Variants in RB1CC1 observed in about 807,000 individuals in gnomAD.
RB1CC1 encodes the protein RB1-inducible coiled-coil protein 1.
In RB1CC1, 46 loss-of-function variants were observed where a neutral mutation model predicts 177.5. That is an observed-to-expected ratio of 0.26 (90% CI 0.20 to 0.33). The LOEUF is 0.33. RB1CC1 is among the 10% of genes least tolerant of loss of function. The pLI is 1.00. For missense variants in RB1CC1, 1,703 were observed against 1,816.3 expected (o/e 0.94, Z 1.13); for synonymous variants, 666 against 613.6 (o/e 1.09, Z -1.26).
chr8:52,627,991 T>G, intron 22 of RB1CC1, 41 bp downstream of exon 22: 1 of 1,489,608 alleles, frequency 6.7e-7, no homozygotes, highest in Non-Finnish European at 9.0e-7. Flanking sequence ...TATAATTTCC[T>G]CCATTCCAGG....
intron 18 of RB1CC1, among the ~76,000 whole-genome samples, chr8:52,639,585 T>C (rs1849409626): frequency 2.0e-5 from 3 of 152,222 alleles, no homozygotes; most frequent in Non-Finnish European, 2.9e-5. Context: ...TGAAATACGA[T>C]GCTTGCTATG....
intron 1 of RB1CC1, 34 bp downstream of exon 1, chr8:52,714,041 G>T: frequency 2.9e-6 from 1 of 341,408 alleles, no homozygotes; most frequent in Non-Finnish European, 5.9e-6. Context: ...TGTGCCAGAT[G>T]GGGGAAGGGG....
intron 15 of RB1CC1, among the ~76,000 whole-genome samples, chr8:52,650,340 T>C (rs1022697473): frequency 6.6e-5 from 10 of 152,178 alleles, no homozygotes; most frequent in Non-Finnish European, 1.5e-4. Context: ...GAGGTGGTTG[T>C]AGCCAAACAT....
At chr8:52,671,361 C>G (rs942864009) in intron 7 of RB1CC1, among the ~76,000 whole-genome samples, 2 of 152,276 alleles carry the variant, frequency 1.3e-5, no homozygotes, top group African/African-American at 4.8e-5. Context: ...GAAAAAAAAT[C>G]TTGGCATATA....
At chr8:52,642,974 G>A in intron 16 of RB1CC1, 162 bp from the exon 17 acceptor site, 1 of 788,916 alleles carries the variant, frequency 1.3e-6, no homozygotes, top group Non-Finnish European at 1.8e-6. Context: ...ACATACTGTG[G>A]CAAAGGTTCT....
chr8:52,693,161 T>A (rs1591107734), intron 1 of RB1CC1, among the ~76,000 whole-genome samples: 1 of 152,098 alleles, frequency 6.6e-6, no homozygotes, highest in African/African-American at 2.4e-5. Flanking sequence ...AACCCAAAAC[T>A]ATGAAACCCT....
intron 5 of RB1CC1, 125 bp downstream of exon 5, chr8:52,683,424 G>A (rs1009972296): frequency 4.4e-5 from 38 of 861,002 alleles, no homozygotes; most frequent in Admixed American, 1.1e-4. Flanking sequence ...TATATTAACC[G>A]GAAAATATTT....
intron 15 of RB1CC1, among the ~76,000 whole-genome samples, chr8:52,648,768 C>T (rs765796765): frequency 1.3e-5 from 2 of 152,190 alleles, no homozygotes; most frequent in Non-Finnish European, 2.9e-5. Flanking sequence ...TTGGGTCTTA[C>T]TGTAGATCTT....
intron 15 of RB1CC1, among the ~76,000 whole-genome samples, chr8:52,653,770 T>C (rs1850841947): frequency 6.6e-6 from 1 of 152,210 alleles, no homozygotes; most frequent in Non-Finnish European, 1.5e-5. Context: ...ATCTCAAATG[T>C]TGAAAATCCA....
intron 15 of RB1CC1, among the ~76,000 whole-genome samples, chr8:52,648,650 A>G (rs1850276024): frequency 6.6e-6 from 1 of 152,130 alleles, no homozygotes; most frequent in South Asian, 2.1e-4. Context: ...ATAGTAACAA[A>G]CCCTGTATTT....
intron 7 of RB1CC1, among the ~76,000 whole-genome samples, chr8:52,671,184 C>T (rs758465310): frequency 6.6e-6 from 1 of 152,094 alleles, no homozygotes; most frequent in Non-Finnish European, 1.5e-5. Context: ...CAGATTTGAG[C>T]CCCTGCTATT....
intron 2 of RB1CC1, 87 bp downstream of exon 2, chr8:52,686,766 A>G (rs757991729): frequency 1.2e-5 from 4 of 324,074 alleles, no homozygotes; most frequent in African/African-American, 2.2e-5. Flanking sequence ...GAAAAAGCAA[A>G]TAAGGTTTTA....
intron 1 of RB1CC1, among the ~76,000 whole-genome samples, chr8:52,694,470 C>T (rs377157016): frequency 4.6e-5 from 7 of 152,294 alleles, no homozygotes; most frequent in South Asian, 4.1e-4. Flanking sequence ...ACAAACGGGA[C>T]GCAGCAGGAG....
chr8:52,648,687 A>C (rs1850278667), intron 15 of RB1CC1, among the ~76,000 whole-genome samples: 1 of 152,154 alleles, frequency 6.6e-6, no homozygotes. Flanking sequence ...TGTGGTCCTA[A>C]CTTTTGCAGT....
intron 15 of RB1CC1, among the ~76,000 whole-genome samples, chr8:52,648,706 T>C (rs1006550292): frequency 6.6e-6 from 1 of 152,164 alleles, no homozygotes; most frequent in African/African-American, 2.4e-5. Context: ...GTTTGAGGTG[T>C]GATGGCAAAA....
intron 1 of RB1CC1, 29 bp downstream of exon 1, chr8:52,714,046 A>C: frequency 2.9e-6 from 1 of 341,524 alleles, no homozygotes. Flanking sequence ...CAGATGGGGG[A>C]AGGGGACGCG....
chr8:52,673,051 A>C (rs1852752848), intron 7 of RB1CC1, among the ~76,000 whole-genome samples: 1 of 152,170 alleles, frequency 6.6e-6, no homozygotes, highest in Non-Finnish European at 1.5e-5. Context: ...TTTAACAGCA[A>C]TGTATGTATT....
At chr8:52,671,564 T>A (rs1852607399) in intron 7 of RB1CC1, among the ~76,000 whole-genome samples, 1 of 152,140 alleles carries the variant, frequency 6.6e-6, no homozygotes, top group Non-Finnish European at 1.5e-5. Context: ...AGGAGAAAAA[T>A]ACTGATCTAA....
chr8:52,657,800 G>C lies in RB1CC1; in HGVS notation c.2029C>G (p.Gln677Glu), dbSNP rs1851206449. ...CAAACTGCAGGACATAAGGGATCCT[G>C]AACAGTCAGTGGTGGAGGAGTTCTC... The part of the protein sequence containing the change: ...SPRTPPPLTV[Q>E]DPLCPAVCPL... Residue 677 changes from glutamine to glutamate, a missense_variant, in exon 15 of 24, where the codon CAG (glutamine) becomes GAG (glutamate). By Grantham distance (29) the Gln-to-Glu change is conservative (BLOSUM62 2). Transcript: ENST00000025008. 6.2e-6 allele frequency: 10 copies of C among 1,613,820 alleles called. No homozygotes were observed. The highest frequency in any genetic ancestry group is 4.4e-5 in the South Asian group (4 of 91,056).
Sources: gnomAD v4.1 joint callset for allele counts (sites outside exome capture counted in the v4.1 genomes callset) on GRCh38, gnomAD v4.1.1 for gene constraint, MANE v1.5 for transcripts, NCBI Gene and HGNC (gene_info 2026-07-23, HGNC 2026-07-21) for gene names.